PSPC1: variants seen among roughly 807,000 people sequenced by gnomAD.
PSPC1 encodes the protein paraspeckle component 1.
A neutral mutation model predicts 51.6 loss-of-function variants in PSPC1; 14 were observed. The observed-to-expected ratio is 0.27, with a 90% CI of 0.18 to 0.42. The LOEUF is 0.42. Among genes scored for constraint, PSPC1 ranks in the 10% least tolerant of loss-of-function variants. The pLI, the probability that PSPC1 is intolerant of heterozygous loss-of-function variation, is 1.00. For synonymous variants in PSPC1, 193 were observed against 231.9 expected, an observed-to-expected ratio of 0.83 and a Z score of 1.53; for missense variants, 406 against 701.1, an observed-to-expected ratio of 0.58 and a Z score of 4.75.
chr13:19,780,336 C>T (rs1489485417), intron 1 of PSPC1, among the ~76,000 whole-genome samples: 1 of 119,052 alleles, frequency 8.4e-6, no homozygotes, highest in Non-Finnish European at 1.8e-5. Context: ...TGAGAACGGG[C>T]CAGGATGACA....
intron 6 of PSPC1, among the ~76,000 whole-genome samples, chr13:19,721,225 A>C (rs576398657): frequency 2.0e-5 from 3 of 152,110 alleles, no homozygotes; most frequent in East Asian, 3.9e-4. Context: ...AAGCAGAAGT[A>C]ACAAGTTAAA....
At chr13:19,677,232 CAAAA>C (rs144841164) in intron 7 of PSPC1, among the ~76,000 whole-genome samples, 18 of 119,124 alleles carry the variant, frequency 1.5e-4, no homozygotes, top group African/African-American at 1.3e-4. Flanking sequence ...GACTCCGTCT[CAAAA>C]AAAAAAAAAA....
intron 8 of PSPC1, among the ~76,000 whole-genome samples, chr13:19,704,661 A>C (rs1880420570): frequency 6.6e-6 from 1 of 152,194 alleles, no homozygotes; most frequent in Non-Finnish European, 1.5e-5. Context: ...GTTTGCCTAA[A>C]GTCCGATTTA....
At chr13:19,742,396 G>C (rs1338161360) in intron 4 of PSPC1, among the ~76,000 whole-genome samples, 1 of 152,096 alleles carries the variant, frequency 6.6e-6, no homozygotes, top group Admixed American at 6.6e-5. Context: ...TTCGGCCGAG[G>C]AGTTCGAGAC....
intron 2 of PSPC1, among the ~76,000 whole-genome samples, chr13:19,764,766 T>C (rs977351199): frequency 1.3e-5 from 2 of 150,896 alleles, no homozygotes; most frequent in African/African-American, 4.9e-5. Context: ...CAGGGTCTTG[T>C]TCTATTGCCC....
chr13:19,680,175 CAGCT>C (rs910869161), intron 6 of PSPC1, among the ~76,000 whole-genome samples: 4 of 152,168 alleles, frequency 2.6e-5, no homozygotes, highest in Admixed American at 6.5e-5. Context: ...CTACCGCGCC[CAGCT>C]AATTTTTGTA....
chr13:19,674,171 A>AATT (rs1876355987), downstream of PSPC1, among the ~76,000 whole-genome samples: 1 of 152,174 alleles, frequency 6.6e-6, no homozygotes, highest in African/African-American at 2.4e-5. Context: ...TTGGCTATTC[A>AATT]ATTAACTTAC....
chr13:19,720,137 TA>T (rs377022522), intron 6 of PSPC1, among the ~76,000 whole-genome samples: 6 of 152,058 alleles, frequency 3.9e-5, no homozygotes, highest in Non-Finnish European at 2.9e-5. Context: ...CCAGAACTCC[TA>T]AAAAAAACAA....
intron 5 of PSPC1, among the ~76,000 whole-genome samples, chr13:19,734,524 A>AG (rs909913634): frequency 2.0e-5 from 3 of 152,184 alleles, no homozygotes; most frequent in Non-Finnish European, 4.4e-5. Flanking sequence ...AGTGGGGGCC[A>AG]GGCGCACTGG....
At chr13:19,673,385 CT>C (rs1876268192), downstream of PSPC1, 1 of 258,468 alleles carries the variant, frequency 3.9e-6, no homozygotes, top group South Asian at 4.4e-5. Context: ...ACCATTTTTA[CT>C]TTACATCCTA....
intron 6 of PSPC1, among the ~76,000 whole-genome samples, chr13:19,694,149 A>T (rs1185247098): frequency 3.8e-5 from 1 of 26,536 alleles, no homozygotes; most frequent in Non-Finnish European, 1.4e-4. Flanking sequence ...AAAAAAAAAA[A>T]ACCATATATA....
At chr13:19,710,027 T>C (rs657656) in intron 6 of PSPC1, among the ~76,000 whole-genome samples, 1 of 152,250 alleles carries the variant, frequency 6.6e-6, no homozygotes. Context: ...GAAATGTATT[T>C]GAACATATAA....
intron 6 of PSPC1, among the ~76,000 whole-genome samples, chr13:19,686,764 A>G (rs1017545650): frequency 1.6e-4 from 24 of 152,216 alleles, no homozygotes; most frequent in African/African-American, 2.4e-5. Flanking sequence ...TTATTTCTAG[A>G]TCTCAAGGAG....
intron 5 of PSPC1, among the ~76,000 whole-genome samples, chr13:19,732,466 C>A (rs984622689): frequency 6.6e-6 from 1 of 152,090 alleles, no homozygotes; most frequent in African/African-American, 2.4e-5. Flanking sequence ...TACTTATATG[C>A]TCAGTGGGAT....
chr13:19,720,706 C>T (rs560757598), intron 6 of PSPC1, among the ~76,000 whole-genome samples: 1 of 152,056 alleles, frequency 6.6e-6, no homozygotes, highest in Admixed American at 6.5e-5. Flanking sequence ...ATAGAAAAAA[C>T]AAGAATAAAT....
intron 6 of PSPC1, among the ~76,000 whole-genome samples, chr13:19,691,766 A>G (rs949664700): frequency 1.3e-5 from 2 of 152,046 alleles, no homozygotes; most frequent in Admixed American, 6.5e-5. Context: ...AAAAACACAA[A>G]TATCAGCCGG....
rs1301247582 is a variant in PSPC1 at position 19,774,819 on chromosome 13, C to CA, written c.373-2277dup. 4.5e-3 allele frequency among the ~76,000 whole-genome samples: 612 copies of CA among 135,720 alleles called. 6 individuals carry two copies. The highest frequency in any genetic ancestry group is 0.016 in the African/African-American group (542 of 34,950). The allele number at this position is 135,720 out of a possible 152,430, so 89.0% of individuals were successfully genotyped here. The stretch of plus-strand genomic sequence containing the variant: ...GACTCTGTGTCCAAAAAAAAAAAAA[C>CA]AAAAAAAAAAAAGAAAAAGAAAAAG... On this transcript the variant is annotated intron_variant, in intron 1 of 8. Transcript: ENST00000338910.
intron 4 of PSPC1, among the ~76,000 whole-genome samples, chr13:19,743,943 A>G (rs558023204): frequency 2.6e-5 from 4 of 152,112 alleles, no homozygotes; most frequent in African/African-American, 7.2e-5. Context: ...CCCCGTCTCT[A>G]CTAAAAACAC....
chr13:19,730,420 G>A lies in PSPC1; in HGVS notation c.1053-76C>T. The A allele has an allele frequency of 2.3e-6, 3 of 1,324,220 alleles. No individual in the cohort carries two copies. The East Asian group carries it at 6.9e-5, about 30-fold the overall frequency. The allele number at this position is 1,324,220 out of a possible 1,614,324, so 82.0% of individuals were successfully genotyped here. On this transcript the variant is annotated intron_variant, in intron 5 of 8. Transcript: ENST00000338910. ...TTGGACATTTTACTTCATGTAAAAT[G>A]AAATCATTTATGCAATCATATTATG...
Sources: allele counts gnomAD v4.1 joint callset (sites outside exome capture counted in the v4.1 genomes callset), GRCh38; gene constraint gnomAD v4.1.1; transcripts MANE v1.5; gene names NCBI Gene and HGNC (gene_info 2026-07-23, HGNC 2026-07-21).